The following TENM3 variants were observed in gnomAD, a reference collection of about 807,000 sequenced individuals.
TENM3 encodes teneurin-3.
A neutral mutation model predicts 255.1 loss-of-function variants in TENM3; 63 were observed. The observed-to-expected ratio is 0.25, with a 90% CI of 0.20 to 0.30. The LOEUF is 0.30. Among genes scored for constraint, TENM3 ranks in the 10% least tolerant of loss-of-function variants. TENM3 has a pLI of 1.00. For synonymous variants in TENM3, 1,306 were observed against 1,322.3 expected, an observed-to-expected ratio of 0.99 and a Z score of 0.27; for missense variants, 2,929 against 3,461.1, an observed-to-expected ratio of 0.85 and a Z score of 3.86.
At chr4:181,538,950 G>A in the TENM3 span, among the ~76,000 whole-genome samples, 12 of 152,124 alleles carry the variant, frequency 7.9e-5, no homozygotes, top group Non-Finnish European at 1.6e-4. Flanking sequence ...TTTTAATTCT[G>A]TTGGGGAAAA....
chr4:182,523,116 G>A (rs754927132), intron 3 of TENM3, among the ~76,000 whole-genome samples: 2 of 151,976 alleles, frequency 1.3e-5, no homozygotes, highest in Non-Finnish European at 2.9e-5. Context: ...TGTTCAGGCC[G>A]TTTGTCCATT....
At chr4:182,339,776 C>T (rs1055007891) in intron 2 of TENM3, among the ~76,000 whole-genome samples, 1 of 152,202 alleles carries the variant, frequency 6.6e-6, no homozygotes, top group Non-Finnish European at 1.5e-5. Flanking sequence ...ATACCAATAC[C>T]TACTGCAGTT....
the TENM3 span, among the ~76,000 whole-genome samples, chr4:181,556,832 A>G: frequency 6.6e-6 from 1 of 152,144 alleles, no homozygotes; most frequent in Non-Finnish European, 1.5e-5. Flanking sequence ...TCATTTTTAT[A>G]AGACTTTATA....
chr4:181,530,946 G>T, the TENM3 span, among the ~76,000 whole-genome samples: 13 of 152,056 alleles, frequency 8.5e-5, no homozygotes, highest in African/African-American at 2.6e-4. Context: ...TTAGAAGTTG[G>T]TTTCTGCTAC....
At chr4:181,448,892 T>A in the TENM3 span, among the ~76,000 whole-genome samples, 1 of 152,328 alleles carries the variant, frequency 6.6e-6, no homozygotes, top group East Asian at 1.9e-4. Flanking sequence ...AGACACTTTA[T>A]AAACAAGAAT....
At chr4:181,604,154 A>G in the TENM3 span, among the ~76,000 whole-genome samples, 12,709 of 152,006 alleles carry the variant, frequency 0.084, 654 homozygotes, top group Middle Eastern at 0.12. Flanking sequence ...AGTCCCAGCT[A>G]CTCGGGAGGC....
chr4:182,011,608 C>G, the TENM3 span, among the ~76,000 whole-genome samples: 1 of 152,282 alleles, frequency 6.6e-6, no homozygotes, highest in South Asian at 2.1e-4. Context: ...CTGTAGAATC[C>G]AATCCCTGCC....
the TENM3 span, among the ~76,000 whole-genome samples, chr4:181,754,580 C>CA: frequency 6.6e-6 from 1 of 152,004 alleles, no homozygotes; most frequent in East Asian, 1.9e-4. Flanking sequence ...GTGCCGTTAA[C>CA]AAAGGAATGA....
At chr4:181,555,994 A>G in the TENM3 span, among the ~76,000 whole-genome samples, 1 of 152,158 alleles carries the variant, frequency 6.6e-6, no homozygotes, top group Non-Finnish European at 1.5e-5. Flanking sequence ...AGGAACTTTG[A>G]CAAGTTCAAA....
At chr4:182,538,015 G>A (rs960247025) in intron 3 of TENM3, among the ~76,000 whole-genome samples, 4 of 152,134 alleles carry the variant, frequency 2.6e-5, no homozygotes, top group African/African-American at 9.7e-5. Context: ...TTTGCTTTTG[G>A]CTGTTCTTTT....
chr4:181,508,678 C>T, the TENM3 span, among the ~76,000 whole-genome samples: 1 of 152,106 alleles, frequency 6.6e-6, no homozygotes, highest in African/African-American at 2.4e-5. Flanking sequence ...TGTCACATGG[C>T]AGAAAGCTAA....
At chr4:182,196,239 A>G (rs1347613792) in intron 1 of TENM3, among the ~76,000 whole-genome samples, 4 of 152,136 alleles carry the variant, frequency 2.6e-5, no homozygotes, top group African/African-American at 7.2e-5. Flanking sequence ...TTCCGCTTGA[A>G]GATCCAAACC....
At chr4:181,931,045 C>G in the TENM3 span, among the ~76,000 whole-genome samples, 2 of 152,128 alleles carry the variant, frequency 1.3e-5, no homozygotes, top group African/African-American at 4.8e-5. Context: ...TATGACAAAC[C>G]CACAGCCAAT....
intron 3 of TENM3, among the ~76,000 whole-genome samples, chr4:182,446,506 T>A (rs1396104114): frequency 1.3e-5 from 2 of 152,246 alleles, no homozygotes; most frequent in African/African-American, 4.8e-5. Context: ...CATTCTTCCA[T>A]TAGTGTGCTT....
At chr4:182,502,564 T>G (rs1736420405) in intron 3 of TENM3, among the ~76,000 whole-genome samples, 2 of 152,264 alleles carry the variant, frequency 1.3e-5, no homozygotes, top group Admixed American at 1.3e-4. Context: ...TGATTTTTAC[T>G]GAATTTTCTT....
At chr4:182,733,188 T>C (rs957988870) in intron 16 of TENM3, among the ~76,000 whole-genome samples, 8 of 152,198 alleles carry the variant, frequency 5.3e-5, no homozygotes, top group African/African-American at 1.9e-4. Context: ...GCACAAACTT[T>C]AAGAAAGTAA....
At chr4:182,648,966 A>G (rs986125258) in intron 5 of TENM3, among the ~76,000 whole-genome samples, 1 of 152,058 alleles carries the variant, frequency 6.6e-6, no homozygotes, top group Non-Finnish European at 1.5e-5. Context: ...TTGTTTTTCC[A>G]TTCTACTGCT....
At chr4:182,309,733 C>T (rs1489977688) in intron 1 of TENM3, among the ~76,000 whole-genome samples, 1 of 152,184 alleles carries the variant, frequency 6.6e-6, no homozygotes, top group Non-Finnish European at 1.5e-5. Context: ...GAGGTATAAT[C>T]TCTTGCTCTC....
At chr4:181,616,390 G>GAT in the TENM3 span, among the ~76,000 whole-genome samples, 15 of 136,846 alleles carry the variant, frequency 1.1e-4, no homozygotes, top group South Asian at 2.1e-3. Context: ...ATATCAATAG[G>GAT]ATATATATAT....
Sources: allele counts gnomAD v4.1 joint callset (sites outside exome capture counted in the v4.1 genomes callset), GRCh38; gene constraint gnomAD v4.1.1; transcripts MANE v1.5; gene names NCBI Gene and HGNC (gene_info 2026-07-23, HGNC 2026-07-21).